Variants in CHPT1 observed in about 807,000 individuals in gnomAD.
The protein encoded by CHPT1 is choline phosphotransferase 1.
Under a neutral mutation model 47.6 loss-of-function variants are expected in CHPT1, and 36 were observed. That is an observed-to-expected ratio of 0.76 (90% CI 0.58 to 1.00). The LOEUF (loss-of-function observed/expected upper bound fraction) is 1.00. Among genes scored for constraint, CHPT1 ranks in the 50% least tolerant of loss-of-function variants. The pLI is 0.00. For synonymous variants in CHPT1, 194 were observed against 186.3 expected, an observed-to-expected ratio of 1.04 and a Z score of -0.33; for missense variants, 458 against 498.1, an observed-to-expected ratio of 0.92 and a Z score of 0.77.
intron 5 of CHPT1, among the ~76,000 whole-genome samples, chr12:101,720,790 T>C (rs1329334223): frequency 1.3e-5 from 2 of 152,242 alleles, no homozygotes; most frequent in African/African-American, 4.8e-5. Flanking sequence ...TTAAATATAA[T>C]GCTTTTGTAT....
intron 1 of CHPT1, among the ~76,000 whole-genome samples, chr12:101,704,195 TG>T (rs1217602782): frequency 6.6e-6 from 1 of 151,138 alleles, no homozygotes; most frequent in Non-Finnish European, 1.5e-5. Context: ...GTTTTGTTTT[TG>T]TTTTTTTTCA....
chr12:101,728,709 A>G (rs1437203861), intron 8 of CHPT1, 192 bp from the exon 9 acceptor site: 2 of 593,170 alleles, frequency 3.4e-6, no homozygotes, highest in Non-Finnish European at 5.7e-6. Flanking sequence ...TATCATTACT[A>G]AAGAGCTGAA....
intron 8 of CHPT1, chr12:101,727,436 C>CTATT (rs1555263815): frequency 1.3e-5 from 2 of 151,380 alleles, no homozygotes; most frequent in Non-Finnish European, 2.9e-5. Flanking sequence ...CCATCTGACC[C>CTATT]TATTTATTTT....
At chr12:101,700,044 T>G (rs1191377475) in intron 1 of CHPT1, among the ~76,000 whole-genome samples, 1 of 152,202 alleles carries the variant, frequency 6.6e-6, no homozygotes, top group Non-Finnish European at 1.5e-5. Context: ...CTCAACACAT[T>G]AAAAATATTA....
At chr12:101,720,909 G>A (rs1951839862) in intron 5 of CHPT1, among the ~76,000 whole-genome samples, 1 of 152,082 alleles carries the variant, frequency 6.6e-6, no homozygotes, top group Non-Finnish European at 1.5e-5. Context: ...AAAGCCTATT[G>A]TCATTTTCAA....
rs1258007155 is a variant in CHPT1 at position 101,705,207 on chromosome 12, G to T, written c.273+7073G>T. On this transcript the variant is annotated intron_variant, in intron 1 of 8. Coordinates refer to ENST00000229266, the MANE Select transcript of CHPT1 (RefSeq NM_020244.3). ...GCCTCCCAAGCAGCTGGGATTACAG[G>T]TGTGCACCACCATGCCTGGCTAATT... Among the ~76,000 whole-genome samples, 4 of 134,440 alleles carry T rather than the reference G, an allele frequency of 3.0e-5. 1 individual carries two copies. The highest frequency in any genetic ancestry group is 7.0e-5 in the African/African-American group (2 of 28,666). The allele number at this position is 134,440 out of a possible 152,430, so 88.2% of individuals were successfully genotyped here.
Position 101,729,063 on chromosome 12 carries a change from T to C in CHPT1, c.*118T>C. On this transcript the variant is annotated 3_prime_UTR_variant, in exon 9 of 9. Coordinates refer to ENST00000229266, the MANE Select transcript of CHPT1 (RefSeq NM_020244.3). ...TATTTCAGCAAATAAAATATTTCAT[T>C]GCTTATATTAATCCTTATTTTTTCA... The C allele has an allele frequency of 1.9e-6, 3 of 1,607,374 alleles. No homozygotes were observed. The highest frequency in any genetic ancestry group is 1.7e-6 in the Non-Finnish European group (2 of 1,174,898).
At position 101,720,183 on chromosome 12, in the gene CHPT1, A is replaced by G. The variant is rs1951828561; in HGVS notation, c.709A>G (p.Ile237Val). The change falls in exon 5 of 9, where the codon ATA (isoleucine) becomes GTA (valine). Residue 237 changes from isoleucine (I) to valine (V), a missense_variant. Transcript: ENST00000229266. ...LPVLGFLGGV[I>V]FSCSNYFHVI... Reference sequence around the variant, plus strand: ...AGTTCTTGGATTTCTAGGTGGAGTAATATTTTCCTGTTCAAATTATTTCCA... The same window carrying G: ...AGTTCTTGGATTTCTAGGTGGAGTAGTATTTTCCTGTTCAAATTATTTCCA... 1.9e-6 allele frequency: 3 copies of G among 1,603,122 alleles called. No homozygotes were observed. Among genetic ancestry groups the G allele is most frequent in the Non-Finnish European group, 2.6e-6 (3 of 1,173,124 alleles).
chr12:101,727,609 T>C (rs926165965), intron 8 of CHPT1: 8 of 152,156 alleles, frequency 5.3e-5, no homozygotes, highest in Non-Finnish European at 1.0e-4. Flanking sequence ...AACATACTTA[T>C]GGGAATTAAG....
Position 101,726,337 on chromosome 12 carries a change from G to A in CHPT1, c.1109G>A (p.Cys370Tyr). The A allele has an allele frequency of 6.2e-7, 1 of 1,613,038 alleles. No individual in the cohort carries two copies. The highest frequency in any genetic ancestry group is 8.5e-7 in the Non-Finnish European group (1 of 1,179,380). ...FDMVIYFSAL[C>Y]LQISRHLHLN... ...ATGGTGATATACTTTAGTGCTTTGTGCCTGCAAATTTCAAGACACCTTCAT... is the reference window on the plus strand; with the variant it reads ...ATGGTGATATACTTTAGTGCTTTGTACCTGCAAATTTCAAGACACCTTCAT... The change falls in exon 8 of 9, where the codon TGC becomes TAC. Residue 370 changes from cysteine (C) to tyrosine (Y), a missense_variant. Transcript: ENST00000229266.
At chr12:101,721,162 G>T (rs992640501) in intron 5 of CHPT1, among the ~76,000 whole-genome samples, 2 of 152,072 alleles carry the variant, frequency 1.3e-5, no homozygotes, top group African/African-American at 4.8e-5. Flanking sequence ...CCATGCTTTT[G>T]TAAATCCAGC....
chr12:101,722,193 T>C (rs1174199810), intron 5 of CHPT1, among the ~76,000 whole-genome samples: 1 of 152,232 alleles, frequency 6.6e-6, no homozygotes, highest in Non-Finnish European at 1.5e-5. Context: ...AGATTTTTTT[T>C]CTTGAATGAG....
At chr12:101,712,062 A>G (rs1414632297) in intron 1 of CHPT1, among the ~76,000 whole-genome samples, 2 of 148,682 alleles carry the variant, frequency 1.3e-5, no homozygotes, top group Non-Finnish European at 3.0e-5. Context: ...TCGCTCTGTC[A>G]CCCAGGCTGG....
chr12:101,726,389 T>C lies in CHPT1; in HGVS notation c.1161T>C (p.His387=). ...TAAATATATTCAAGACTGCATGTCATCAAGCACCTGAACAGGTTCACAAGC... is the reference window on the plus strand; with the variant it reads ...TAAATATATTCAAGACTGCATGTCACCAAGCACCTGAACAGGTTCACAAGC... ...LHLNIFKTAC[H]QAPEQVQVLS... is the part of the protein sequence containing the mutation. Residue 387 remains histidine (H), a synonymous_variant, in exon 8 of 9, where the codon CAT becomes CAC. Coordinates refer to ENST00000229266, the MANE Select transcript of CHPT1 (RefSeq NM_020244.3). The C allele has an allele frequency of 6.2e-7, 1 of 1,612,980 alleles. No homozygotes were observed. The highest frequency in any genetic ancestry group is 8.5e-7 in the Non-Finnish European group (1 of 1,179,572).
chr12:101,711,461 G>C lies in CHPT1; in HGVS notation c.274-2629G>C, dbSNP rs560126963. 4.7e-5 allele frequency among the ~76,000 whole-genome samples: 7 copies of C among 147,736 alleles called. 1 individual carries two copies. The highest frequency in any genetic ancestry group is 1.1e-4 in the Non-Finnish European group (7 of 66,164). On this transcript the variant is annotated intron_variant, in intron 1 of 8. Transcript: ENST00000229266. ...AAATATGGTATGATCTTGATCTCGC[G>C]TATACACAGAATCTGAAAAAAAAAT...
intron 1 of CHPT1, among the ~76,000 whole-genome samples, chr12:101,708,888 C>T (rs1951669374): frequency 6.7e-6 from 1 of 148,958 alleles, no homozygotes; most frequent in South Asian, 2.1e-4. Context: ...TGAACCACCA[C>T]ATCCAGCCAT....
chr12:101,728,351 A>C (rs1594154268), intron 8 of CHPT1: 1 of 152,178 alleles, frequency 6.6e-6, no homozygotes, highest in South Asian at 2.0e-4. Context: ...CAATGAAGTG[A>C]CATTATGTCT....
At position 101,698,063 on chromosome 12, in the gene CHPT1, C is replaced by A; in HGVS notation, c.202C>A (p.Leu68Met). ...PLWMAPNSIT[L>M]LGLAVNVVTT... ...CTGGATGGCCCCCAACTCCATCACCCTGCTGGGGCTCGCCGTCAACGTGGT... is the reference window on the plus strand; with the variant it reads ...CTGGATGGCCCCCAACTCCATCACCATGCTGGGGCTCGCCGTCAACGTGGT... The change falls in exon 1 of 9, where the codon CTG becomes ATG. Residue 68 changes from leucine to methionine, a missense_variant. Physicochemically the swap from Leu to Met is conservative, Grantham distance 15. Transcript: ENST00000229266. 1 of 1,572,462 alleles carries A rather than the reference C, an allele frequency of 6.4e-7. No homozygotes were observed. Among genetic ancestry groups the A allele is most frequent in the East Asian group, 2.4e-5 (1 of 41,098 alleles).
chr12:101,726,609 A>C (rs1056525408), intron 8 of CHPT1: 24 of 638,648 alleles, frequency 3.8e-5, no homozygotes, highest in Non-Finnish European at 4.8e-5. Context: ...TTTTTATCAC[A>C]GATGTTCTCA....
Sources: gnomAD v4.1 joint callset for allele counts (sites outside exome capture counted in the v4.1 genomes callset) on GRCh38, gnomAD v4.1.1 for gene constraint, MANE v1.5 for transcripts, NCBI Gene and HGNC (gene_info 2026-07-23, HGNC 2026-07-21) for gene names.